CEACAM1: variants seen among roughly 807,000 people sequenced by gnomAD.
CEACAM1 encodes cell adhesion molecule CEACAM1.
Under a neutral mutation model 49.1 loss-of-function variants are expected in CEACAM1, and 31 were observed. The observed-to-expected ratio is 0.63, with a 90% CI of 0.47 to 0.85. The LOEUF (loss-of-function observed/expected upper bound fraction) is 0.85, where lower values mean the gene tolerates loss of function less well. CEACAM1 is among the 40% of genes least tolerant of loss of function. The pLI, the probability that CEACAM1 is intolerant of heterozygous loss-of-function variation, is 0.00. For missense variants in CEACAM1, 570 were observed against 645.3 expected, an observed-to-expected ratio of 0.88 and a Z score of 1.26; for synonymous variants, 244 against 247.8, an observed-to-expected ratio of 0.98 and a Z score of 0.14.
At chr19:42,511,397 G>T in intron 7 of CEACAM1, 179 bp downstream of exon 7, 1 of 628,756 alleles carries the variant, frequency 1.6e-6, no homozygotes. Context: ...ATGTGTCTCA[G>T]GGGACTCCTG....
chr19:42,528,379 T>G lies in CEACAM1; in HGVS notation c.-5A>C. ...TGGGGCTGAGAGGTGCCCCATGGTG[T>G]CTCCTGCTGGCCCTGTCTTCACCTG... On this transcript the variant is annotated 5_prime_UTR_variant, in exon 1 of 9. Coordinates refer to ENST00000161559, the MANE Select transcript of CEACAM1 (RefSeq NM_001712.5). 6.2e-7 allele frequency: 1 copy of G among 1,613,766 alleles called. No individual in the cohort carries two copies. The highest frequency in any genetic ancestry group is 8.5e-7 in the Non-Finnish European group (1 of 1,179,856).
At chr19:42,519,683 C>T (rs1192716113) in intron 4 of CEACAM1, among the ~76,000 whole-genome samples, 1 of 151,950 alleles carries the variant, frequency 6.6e-6, no homozygotes, top group Non-Finnish European at 1.5e-5. Flanking sequence ...CATTCTCCTG[C>T]CTCAGCCTCC....
In CEACAM1 at chr19:42,518,979, G is replaced by T; in HGVS notation, c.1215C>A (p.Asn405Lys). The T allele has an allele frequency of 6.2e-7, 1 of 1,614,176 alleles. No individual in the cohort carries two copies. Among genetic ancestry groups the T allele is most frequent in the Middle Eastern group, 1.6e-4 (1 of 6,062 alleles). Residue 405 changes from asparagine to lysine, a missense_variant, in exon 5 of 9, where the codon AAC (asparagine) becomes AAA (lysine). Coordinates refer to ENST00000161559, the MANE Select transcript of CEACAM1 (RefSeq NM_001712.5). ...CGTTCAGCATGATGGGGTCGCTTTG[G>T]TTCTTACTGATTGGGTTGAAGACCT... ...WCEVFNPISK[N>K]QSDPIMLNVN...
chr19:42,523,433 A>G (rs1245355961), intron 2 of CEACAM1, among the ~76,000 whole-genome samples: 1 of 152,226 alleles, frequency 6.6e-6, no homozygotes, highest in Non-Finnish European at 1.5e-5. Flanking sequence ...AAGATAGAGC[A>G]GAGTCCAAGG....
chr19:42,514,583 C>G (rs1204808117), intron 5 of CEACAM1, among the ~76,000 whole-genome samples: 3 of 152,164 alleles, frequency 2.0e-5, no homozygotes, highest in Non-Finnish European at 4.4e-5. Context: ...TAGCCTATTT[C>G]TTGTTTATAT....
rs755697903 is a variant in CEACAM1, at chr19:42,511,640, T to C, written c.1377-12A>G. The C allele has an allele frequency of 1.9e-6, 3 of 1,613,322 alleles. No individual in the cohort carries two copies. The highest frequency in any genetic ancestry group is 1.1e-5 in the South Asian group (1 of 91,062). On this transcript the variant is annotated splice_polypyrimidine_tract_variant and intron_variant, in intron 6 of 8. Coordinates refer to ENST00000161559, the MANE Select transcript of CEACAM1 (RefSeq NM_001712.5). ...GCTGGTCGCTTGCCCTAAATAAATA[T>C]CAGAAACTGTGACTGCTATTCCCAA...
chr19:42,527,478 C>T (rs1280852187), intron 1 of CEACAM1, 78 bp from the exon 2 acceptor site: 3 of 1,512,172 alleles, frequency 2.0e-6, no homozygotes, highest in South Asian at 2.7e-5. Flanking sequence ...GGGTCCTGAG[C>T]AGGTGTCTTC....
intron 7 of CEACAM1, chr19:42,511,287 G>A (rs1268765871): frequency 1.7e-6 from 1 of 573,094 alleles, no homozygotes; most frequent in Non-Finnish European, 3.1e-6. Context: ...CCGTAATAGA[G>A]GCAGGAGGCG....
chr19:42,512,350 C>T lies in CEACAM1; in HGVS notation c.1376G>A (p.Arg459Lys), dbSNP rs763449022. The change falls in exon 6 of 9, where the codon AGG becomes AAG. Residue 459 changes from arginine to lysine, a missense_variant and splice_region_variant. Arg to Lys is a conservative substitution (Grantham distance 26). Coordinates refer to ENST00000161559, the MANE Select transcript of CEACAM1 (RefSeq NM_001712.5). The stretch of plus-strand genomic sequence containing the variant: ...AGAACAAGAGGAAAGGCCATCATAC[C>T]TGCCGGTCTTCCCGAAATGCAGAAA... ...ACFLHFGKTG[R>K]ASDQRDLTEH... is the part of the protein sequence containing the mutation. 1 of 1,614,022 alleles carries T rather than the reference C, an allele frequency of 6.2e-7. No individual in the cohort carries two copies. The highest frequency in any genetic ancestry group is 1.1e-5 in the South Asian group (1 of 91,074).
At chr19:42,528,032 A>G (rs1178333289) in intron 1 of CEACAM1, among the ~76,000 whole-genome samples, 1 of 152,110 alleles carries the variant, frequency 6.6e-6, no homozygotes, top group East Asian at 1.9e-4. Context: ...CTTAATTGTC[A>G]CGCTGACTTA....
At chr19:42,518,207 G>A (rs2147786403) in intron 5 of CEACAM1, among the ~76,000 whole-genome samples, 1 of 152,254 alleles carries the variant, frequency 6.6e-6, no homozygotes, top group African/African-American at 2.4e-5. Flanking sequence ...GAGACCAGGA[G>A]ATTGAGACCA....
In CEACAM1 at chr19:42,527,170, C is replaced by A; in HGVS notation, c.295G>T (p.Glu99Ter). The A allele has an allele frequency of 1.2e-6, 2 of 1,614,182 alleles. No individual in the cohort carries two copies. Among genetic ancestry groups the A allele is most frequent in the Non-Finnish European group, 1.7e-6 (2 of 1,180,018 alleles). ...AGGGATGCATTGGGGTATATTGTCT[C>A]TCGACCGCTGTTTGCGGGCCCTGGG... ...ATPGPANSGR[E>*]TIYPNASLLI... Residue 99 changes from glutamate to a stop codon, truncating the protein, a stop_gained, in exon 2 of 9, where the codon GAG becomes TAG. Transcript: ENST00000161559. LOFTEE classifies it high-confidence loss of function.
chr19:42,523,604 C>T (rs2147802127), intron 2 of CEACAM1, among the ~76,000 whole-genome samples: 1 of 152,286 alleles, frequency 6.6e-6, no homozygotes, highest in Non-Finnish European at 1.5e-5. Context: ...TTTGCAAATG[C>T]AGAATAACCA....
chr19:42,515,634 C>T (rs1019983752), intron 5 of CEACAM1, among the ~76,000 whole-genome samples: 2 of 151,372 alleles, frequency 1.3e-5, no homozygotes, highest in African/African-American at 2.4e-5. Flanking sequence ...TGATCAGCCT[C>T]GGTGACAGAG....
Position 42,522,070 on chromosome 19 carries a change from G to C in CEACAM1, c.557C>G (p.Pro186Arg), listed in dbSNP as rs144709978. 1 of 1,614,172 alleles carries C rather than the reference G, an allele frequency of 6.2e-7. No individual in the cohort carries two copies. The highest frequency in any genetic ancestry group is 8.5e-7 in the Non-Finnish European group (1 of 1,180,018). The change falls in exon 3 of 9, where the codon CCG becomes CGG. Residue 186 changes from proline to arginine, a missense_variant. Coordinates refer to ENST00000161559, the MANE Select transcript of CEACAM1 (RefSeq NM_001712.5). ...GGACAGCTGCAGCCTGGGACTGACC[G>C]GGAGGCTCTGATTGTTTATCCACCA... ...YLWWINNQSL[P>R]VSPRLQLSNG... is the part of the protein sequence containing the mutation.
Position 42,527,376 on chromosome 19 carries a change from G to C in CEACAM1, c.89C>G (p.Pro30Arg), listed in dbSNP as rs749934399. 31 of 1,606,298 alleles carry C rather than the reference G, an allele frequency of 1.9e-5. No individual in the cohort carries two copies. The highest frequency in any genetic ancestry group is 2.6e-5 in the Non-Finnish European group (30 of 1,175,684). ...LTASLLTFWN[P>R]PTTAQLTTES... The stretch of plus-strand genomic sequence containing the variant: ...AGTAGTGAGCTGGGCAGTGGTGGGC[G>C]GGTTCCAGAAGGTTAGAAGTGAGGC... The change falls in exon 2 of 9, where the codon CCG becomes CGG. Residue 30 changes from proline to arginine, a missense_variant. Pro to Arg is a moderately radical substitution (Grantham distance 103). Transcript: ENST00000161559.
In CEACAM1 at chr19:42,509,014, C is replaced by G; in HGVS notation, c.*95G>C. 1 of 1,505,816 alleles carries G rather than the reference C, an allele frequency of 6.6e-7. No individual in the cohort carries two copies. The highest frequency in any genetic ancestry group is 9.1e-7 in the Non-Finnish European group (1 of 1,096,608). 93.3% of individuals were successfully genotyped at this position (1,505,816 alleles called of 1,614,324 possible). ...GAGTAGGAGAAAGTTGTTTCTGTCC[C>G]CACCCCTCTACCCCTACAGGGGAAA... On this transcript the variant is annotated 3_prime_UTR_variant, in exon 9 of 9. Transcript: ENST00000161559.
chr19:42,521,071 A>G, intron 4 of CEACAM1, 196 bp downstream of exon 4: 2 of 638,552 alleles, frequency 3.1e-6, no homozygotes, highest in Non-Finnish European at 5.4e-6. Flanking sequence ...GCTGGACCTA[A>G]GGTCAGCTGT....
chr19:42,526,645 A>G (rs2041898305), intron 2 of CEACAM1, among the ~76,000 whole-genome samples: 1 of 152,118 alleles, frequency 6.6e-6, no homozygotes, highest in African/African-American at 2.4e-5. Context: ...ACCTTGGGAT[A>G]GTGTTTTGGA....
Sources: gnomAD v4.1 joint callset for allele counts (sites outside exome capture counted in the v4.1 genomes callset) on GRCh38, gnomAD v4.1.1 for gene constraint, MANE v1.5 for transcripts, NCBI Gene and HGNC (gene_info 2026-07-23, HGNC 2026-07-21) for gene names.